Variants in SULF1 observed in about 807,000 individuals in gnomAD.
SULF1 encodes sulfatase 1, also known as extracellular sulfatase Sulf-1.
In SULF1, 46 loss-of-function variants were observed where a neutral mutation model predicts 110.5. The observed-to-expected ratio is 0.42, with a 90% confidence interval of 0.33 to 0.53. SULF1 has a LOEUF of 0.53. Ranked by LOEUF, SULF1 falls within the 20% of genes least tolerant of loss-of-function variation. The probability of loss-of-function intolerance (pLI) is 0.12; values close to 1 mark genes in which losing one functional copy is unlikely to be tolerated. For missense variants in SULF1, 941 were observed against 1,094.2 expected (o/e 0.86, Z 1.98); for synonymous variants, 371 against 387.1 (o/e 0.96, Z 0.49).
intron 6 of SULF1, among the ~76,000 whole-genome samples, chr8:69,576,569 C>G (rs1805622012): frequency 1.3e-5 from 2 of 152,124 alleles, no homozygotes. Context: ...GCTACACCTC[C>G]TATTATTGTT....
intron 2 of SULF1, among the ~76,000 whole-genome samples, chr8:69,501,105 A>T (rs978213016): frequency 2.0e-5 from 3 of 152,244 alleles, no homozygotes; most frequent in African/African-American, 7.2e-5. Flanking sequence ...TGAAGACTTT[A>T]AATGAAATGC....
intron 12 of SULF1, 25 bp from the exon 13 acceptor site, chr8:69,604,778 C>T (rs747405260): frequency 1.1e-5 from 18 of 1,612,614 alleles, no homozygotes; most frequent in Admixed American, 6.7e-5. Flanking sequence ...TTCTCATGTA[C>T]GAAGCTTTTC....
At chr8:69,613,959 CAAA>C (rs35592356) in intron 13 of SULF1, among the ~76,000 whole-genome samples, 1 of 146,552 alleles carries the variant, frequency 6.8e-6, no homozygotes, top group African/African-American at 2.5e-5. Flanking sequence ...GAGTTAGCAG[CAAA>C]AAAAAAAAAA....
At chr8:69,581,669 G>A (rs181986461) in intron 6 of SULF1, among the ~76,000 whole-genome samples, 182 of 152,306 alleles carry the variant, frequency 1.2e-3, no homozygotes, top group Non-Finnish European at 2.1e-3. Context: ...ATGGCAGTAA[G>A]GGCAAGAAAG....
chr8:69,556,810 G>T (rs1815145997), intron 3 of SULF1, among the ~76,000 whole-genome samples: 1 of 152,074 alleles, frequency 6.6e-6, no homozygotes, highest in Admixed American at 6.5e-5. Flanking sequence ...GTGTAGGTTT[G>T]TTACACAGGT....
chr8:69,486,079 C>T (rs1809694491), intron 1 of SULF1, among the ~76,000 whole-genome samples: 1 of 152,120 alleles, frequency 6.6e-6, no homozygotes, highest in Admixed American at 6.5e-5. Context: ...GAAACTTGGG[C>T]AACTGTCAGA....
intron 3 of SULF1, among the ~76,000 whole-genome samples, chr8:69,524,272 TG>T (rs1812517447): frequency 6.6e-6 from 1 of 152,048 alleles, no homozygotes; most frequent in Non-Finnish European, 1.5e-5. Flanking sequence ...TACCTGAGGC[TG>T]GGTAAGTTAT....
chr8:69,499,110 C>G (rs780659047), intron 2 of SULF1, among the ~76,000 whole-genome samples: 2 of 152,128 alleles, frequency 1.3e-5, no homozygotes, highest in East Asian at 3.9e-4. Context: ...CTGCCCGCCT[C>G]GGCCTCCCAA....
intron 22 of SULF1, among the ~76,000 whole-genome samples, chr8:69,641,836 G>T (rs1409329814): frequency 6.6e-6 from 1 of 152,054 alleles, no homozygotes; most frequent in African/African-American, 2.4e-5. Flanking sequence ...ACAACCCTCA[G>T]CCCTGTCATT....
chr8:69,581,295 T>C (rs549452106), intron 6 of SULF1, among the ~76,000 whole-genome samples: 1 of 152,230 alleles, frequency 6.6e-6, no homozygotes, highest in Non-Finnish European at 1.5e-5. Flanking sequence ...TTAAATAAGA[T>C]TTGACTTTTC....
chr8:69,644,796 G>A (rs1413026470), intron 22 of SULF1, among the ~76,000 whole-genome samples: 1 of 150,448 alleles, frequency 6.6e-6, no homozygotes, highest in Non-Finnish European at 1.5e-5. Context: ...GAGCACTCAA[G>A]TCCGTCTTCT....
In SULF1 at chr8:69,603,294, T is replaced by C. The variant is rs1807980225; in HGVS notation, c.1164T>C (p.Leu388=). Residue 388 remains leucine (L), a synonymous_variant, in exon 11 of 23, where the codon CTT becomes CTC. Transcript: ENST00000402687. ...PDVDGKSVLK[L]LDPEKPGNRF... ...TGGACGGCAAGTCTGTCCTCAAACT[T>C]CTGGACCCAGAAAAGCCAGGTAACA... The C allele has an allele frequency of 6.2e-7, 1 of 1,613,954 alleles. No individual in the cohort carries two copies. Among genetic ancestry groups the C allele is most frequent in the Non-Finnish European group, 8.5e-7 (1 of 1,180,018 alleles).
intron 3 of SULF1, among the ~76,000 whole-genome samples, chr8:69,552,808 T>C (rs1586381611): frequency 6.6e-6 from 1 of 152,242 alleles, no homozygotes; most frequent in African/African-American, 2.4e-5. Flanking sequence ...TTAAATCGTT[T>C]GTTATGTAAA....
chr8:69,542,616 G>A (rs562253415), intron 3 of SULF1, among the ~76,000 whole-genome samples: 1 of 151,910 alleles, frequency 6.6e-6, no homozygotes, highest in South Asian at 2.1e-4. Flanking sequence ...CCTTTGTACA[G>A]TGTAAGTTTG....
At chr8:69,554,808 T>C (rs2150700817) in intron 3 of SULF1, among the ~76,000 whole-genome samples, 1 of 152,034 alleles carries the variant, frequency 6.6e-6, no homozygotes, top group South Asian at 2.1e-4. Context: ...TGAAACCCCG[T>C]CTTTACTGAA....
chr8:69,489,841 G>A (rs1214815042), upstream of SULF1, among the ~76,000 whole-genome samples: 2 of 151,894 alleles, frequency 1.3e-5, no homozygotes, highest in Non-Finnish European at 2.9e-5. Flanking sequence ...ACTGCGCCCG[G>A]CCCCCGCCTT....
Position 69,471,995 on chromosome 8 carries a change from A to AAGAGAG in SULF1, c.-391+5047_-391+5048insAGAGAG, listed in dbSNP as rs565992830. On this transcript the variant is annotated intron_variant, in intron 1 of 22. Transcript: ENST00000260128. ...AAGGAGGGAGAGAGCAAGGGAGAGA[A>AAGAGAG]AGTGAGAGAGAGAGAGAGAGAGAAG... Among the ~76,000 whole-genome samples the AAGAGAG allele has an allele frequency of 1.9e-3, 236 of 125,074 alleles. 6 individuals carry two copies. In the South Asian group the frequency reaches 0.052, roughly 28 times the overall value. 82.1% of individuals were successfully genotyped at this position (125,074 alleles called of 152,430 possible).
rs142708496 is a variant in SULF1, at chr8:69,604,970, C to T, written c.1377+38C>T. 1.0e-4 allele frequency: 163 copies of T among 1,601,384 alleles called. 1 individual carries two copies. The African/African-American group carries it at 2.1e-3, about 20-fold the overall frequency. Reference sequence around the variant, plus strand: ...GGCTTTCTTTACCACCACTCATGTGCTTCTCCATCTCTAATTTAGAAAATT... The same window carrying T: ...GGCTTTCTTTACCACCACTCATGTGTTTCTCCATCTCTAATTTAGAAAATT... On this transcript the variant is annotated intron_variant, in intron 13 of 22. Transcript: ENST00000402687.
chr8:69,628,102 T>A (rs998898779), intron 17 of SULF1, 69 bp from the exon 18 acceptor site: 1 of 1,368,176 alleles, frequency 7.3e-7, no homozygotes, highest in African/African-American at 1.5e-5. Context: ...TTGCTTTCTT[T>A]TTATAAAATG....
Sources: allele counts gnomAD v4.1 joint callset (sites outside exome capture counted in the v4.1 genomes callset), GRCh38; gene constraint gnomAD v4.1.1; transcripts MANE v1.5; gene names NCBI Gene and HGNC (gene_info 2026-07-23, HGNC 2026-07-21).